The following ALS2 variants were observed in gnomAD, a reference collection of about 807,000 sequenced individuals.
ALS2 encodes alsin.
Under a neutral mutation model 203.4 loss-of-function variants are expected in ALS2, and 117 were observed. The ratio of observed to expected loss-of-function variants is 0.58; its 90% CI spans 0.50 to 0.67. The LOEUF is 0.67. ALS2 is among the 30% of genes least tolerant of loss of function. The pLI is 0.00. For missense variants in ALS2, 1,715 were observed against 1,989.4 expected (o/e 0.86, Z 2.62); for synonymous variants, 718 against 725.9 (o/e 0.99, Z 0.17).
chr2:201,743,012 A>C (rs1692382243), intron 10 of ALS2, among the ~76,000 whole-genome samples: 1 of 150,198 alleles, frequency 6.7e-6, no homozygotes, highest in South Asian at 2.1e-4. Flanking sequence ...TGAAGGTTGC[A>C]GTGAGCCGAG....
intron 23 of ALS2, among the ~76,000 whole-genome samples, chr2:201,721,250 T>C (rs952342273): frequency 1.3e-5 from 2 of 152,228 alleles, no homozygotes; most frequent in Non-Finnish European, 2.9e-5. Context: ...AATTAATCTA[T>C]AGATTCAATG....
At chr2:201,764,510 T>TGTC (rs1261826582) in intron 3 of ALS2, among the ~76,000 whole-genome samples, 1 of 151,448 alleles carries the variant, frequency 6.6e-6, no homozygotes, top group Non-Finnish European at 1.5e-5. Flanking sequence ...GGCACTGGCC[T>TGTC]GTAGTCCCAG....
At chr2:201,769,396 T>G (rs1694266425) in intron 1 of ALS2, among the ~76,000 whole-genome samples, 1 of 152,214 alleles carries the variant, frequency 6.6e-6, no homozygotes, top group Non-Finnish European at 1.5e-5. Context: ...TCAAGTAGTT[T>G]TAATTTATAC....
intron 31 of ALS2, 70 bp from the exon 32 acceptor site, chr2:201,704,673 T>G: frequency 6.4e-7 from 1 of 1,562,414 alleles, no homozygotes; most frequent in Non-Finnish European, 8.8e-7. Flanking sequence ...CGTGCTTTTT[T>G]GACAATATTC....
In ALS2 at chr2:201,760,906, T is replaced by G. The variant is rs533153884; in HGVS notation, c.1088A>C (p.His363Pro). Reference protein sequence around the residue: ...SDHSVREDSEHGEKPVPSQPL... With the variant: ...SDHSVREDSEPGEKPVPSQPL... ...CTGAGATGGCACTGGCTTTTCACCA[T>G]GCTCTGAGTCCTCTCTTACTGAATG... The change falls in exon 4 of 34, where the codon CAT (histidine) becomes CCT (proline). Residue 363 changes from histidine to proline, a missense_variant. Transcript: ENST00000264276. 1.2e-6 allele frequency: 2 copies of G among 1,613,940 alleles called. No individual in the cohort carries two copies. Among genetic ancestry groups the G allele is most frequent in the South Asian group, 2.2e-5 (2 of 91,080 alleles).
At chr2:201,764,034 T>C (rs1167623427) in intron 3 of ALS2, among the ~76,000 whole-genome samples, 2 of 152,192 alleles carry the variant, frequency 1.3e-5, no homozygotes, top group African/African-American at 4.8e-5. Context: ...ACATGGCAGA[T>C]ACATGTATAC....
At chr2:201,780,495 G>T (rs1010623608) in intron 1 of ALS2, among the ~76,000 whole-genome samples, 1 of 152,214 alleles carries the variant, frequency 6.6e-6, no homozygotes, top group Admixed American at 6.5e-5. Context: ...TCAGCGCCTA[G>T]TGTGGGCATT....
Position 201,728,593 on chromosome 2 carries a change from G to A in ALS2, c.2760C>T (p.Asn920=), listed in dbSNP as rs767574814. ...PERRLLCESS[N]RALSLQHAGR... ...CAGCATGCTGCAGAGACAGGGCTCGGTTACTACTCTCACACAGCAGTCGAC... is the reference window on the plus strand; with the variant it reads ...CAGCATGCTGCAGAGACAGGGCTCGATTACTACTCTCACACAGCAGTCGAC... The change falls in exon 15 of 34, where the codon AAC becomes AAT. Residue 920 remains asparagine, a synonymous_variant. Coordinates refer to ENST00000264276, the MANE Select transcript of ALS2 (RefSeq NM_020919.4). 1.2e-6 allele frequency: 2 copies of A among 1,614,112 alleles called. No homozygotes were observed. The highest frequency in any genetic ancestry group is 3.3e-5 in the Admixed American group (2 of 60,020).
chr2:201,705,192 T>C lies in ALS2; in HGVS notation c.4635A>G (p.Pro1545=), dbSNP rs1689627600. The change falls in exon 31 of 34, where the codon CCA becomes CCG. Residue 1545 remains proline (P), a synonymous_variant. Transcript: ENST00000264276. ...AGGCAAAACAAGCATCTTTCGTGGT[T>C]GGCAAAACCTGCAAAAAAGAGAGTG... ...SILGESKKVL[P]TTKDACFASA... The C allele has an allele frequency of 1.9e-6, 3 of 1,613,982 alleles. No individual in the cohort carries two copies. In the Admixed American group the frequency reaches 5.0e-5, roughly 27 times the overall value.
chr2:201,754,157 AG>A (rs1445724239), intron 6 of ALS2, among the ~76,000 whole-genome samples: 1 of 151,734 alleles, frequency 6.6e-6, no homozygotes, highest in Non-Finnish European at 1.5e-5. Context: ...GAATTATAGG[AG>A]CCCACCACCA....
chr2:201,760,171 G>T, intron 4 of ALS2: 1 of 540,154 alleles, frequency 1.9e-6, no homozygotes, highest in Non-Finnish European at 2.4e-6. Context: ...AAAATCAGCA[G>T]GTGTGGTGGC....
intron 29 of ALS2, 36 bp from the exon 30 acceptor site, chr2:201,705,497 T>C: frequency 1.9e-6 from 3 of 1,547,858 alleles, no homozygotes; most frequent in Non-Finnish European, 2.7e-6. Context: ...ATATAAGTTG[T>C]TACTTATGGT....
chr2:201,701,505 T>C lies in ALS2; in HGVS notation c.*346A>G, dbSNP rs1689388168. On this transcript the variant is annotated 3_prime_UTR_variant, in exon 34 of 34. Transcript: ENST00000264276. The stretch of plus-strand genomic sequence containing the variant: ...ACTTCTTTAATATAAGAAGCTCTAC[T>C]GGAAGCTTTTCTTACAACTTCATGT... The C allele has an allele frequency of 5.1e-6, 1 of 196,620 alleles. No homozygotes were observed. The highest frequency in any genetic ancestry group is 1.3e-4 in the South Asian group (1 of 7,864). The allele number at this position is 196,620 out of a possible 1,614,324, so 12.2% of individuals were successfully genotyped here.
At chr2:201,753,522 G>A (rs1204229193) in intron 6 of ALS2, among the ~76,000 whole-genome samples, 1 of 152,006 alleles carries the variant, frequency 6.6e-6, no homozygotes, top group African/African-American at 2.4e-5. Context: ...GTATACTTAG[G>A]ATACAGTAAA....
At chr2:201,768,083 A>G (rs776914790) in intron 2 of ALS2, among the ~76,000 whole-genome samples, 2 of 152,212 alleles carry the variant, frequency 1.3e-5, no homozygotes, top group Non-Finnish European at 2.9e-5. Context: ...TTTTATAGTA[A>G]GTAAAAAGTA....
rs1694141218 is a variant in ALS2, at chr2:201,767,328, C to T, written c.76G>A (p.Gly26Arg). Residue 26 changes from glycine to arginine, a missense_variant, in exon 3 of 34, where the codon GGA becomes AGA. Gly to Arg is a moderately radical substitution (Grantham distance 125). Coordinates refer to ENST00000264276, the MANE Select transcript of ALS2 (RefSeq NM_020919.4). ...CTCTCTGGTGTTATGGGAAAGGATCCTGCCTGCCAGATATGGACCAGGCCT... is the reference window on the plus strand; with the variant it reads ...CTCTCTGGTGTTATGGGAAAGGATCTTGCCTGCCAGATATGGACCAGGCCT... Reference protein sequence around the residue: ...ERGLVHIWQAGSFPITPERLP... With the variant: ...ERGLVHIWQARSFPITPERLP... 1 of 1,614,018 alleles carries T rather than the reference C, an allele frequency of 6.2e-7. No homozygotes were observed. Among genetic ancestry groups the T allele is most frequent in the South Asian group, 1.1e-5 (1 of 91,088 alleles).
intron 29 of ALS2, 21 bp downstream of exon 29, chr2:201,706,825 G>A (rs372609206): frequency 2.9e-5 from 47 of 1,613,368 alleles, no homozygotes; most frequent in Middle Eastern, 3.3e-4. Flanking sequence ...ATTTGGTTGC[G>A]CTTGTAACTA....
At chr2:201,770,450 AT>A (rs11288181) in intron 1 of ALS2, among the ~76,000 whole-genome samples, 124,518 of 151,268 alleles carry the variant, frequency 0.82, 52,033 homozygotes, top group Non-Finnish European at 0.9. Context: ...ACCACCACTC[AT>A]TTTTTTTTTT....
At chr2:201,746,879 C>T (rs187895449) in intron 8 of ALS2, 131 bp from the exon 9 acceptor site, 1 of 989,860 alleles carries the variant, frequency 1.0e-6, no homozygotes, top group Non-Finnish European at 1.6e-6. Context: ...AGCAAACTTA[C>T]CCAGCAATTT....
Sources: gnomAD v4.1 joint callset for allele counts (sites outside exome capture counted in the v4.1 genomes callset) on GRCh38, gnomAD v4.1.1 for gene constraint, MANE v1.5 for transcripts, NCBI Gene and HGNC (gene_info 2026-07-23, HGNC 2026-07-21) for gene names.